TMEM87A: variants seen among roughly 807,000 people sequenced by gnomAD.
TMEM87A encodes transmembrane protein 87A.
TMEM87A carries 50 observed loss-of-function variants against 90.0 expected under a neutral mutation model. The observed-to-expected ratio is 0.56, with a 90% confidence interval of 0.44 to 0.70. The LOEUF (loss-of-function observed/expected upper bound fraction) is 0.70. Among genes scored for constraint, TMEM87A ranks in the 30% least tolerant of loss-of-function variants. The pLI, the probability that TMEM87A is intolerant of heterozygous loss-of-function variation, is 0.00. For missense variants in TMEM87A, 577 were observed against 660.5 expected (o/e 0.87, Z 1.39); for synonymous variants, 226 against 226.7 (o/e 1.00, Z 0.03).
chr15:42,273,063 G>A (rs2051579386), intron 1 of TMEM87A, 192 bp downstream of exon 1: 1 of 711,914 alleles, frequency 1.4e-6, no homozygotes, highest in African/African-American at 1.8e-5. Flanking sequence ...TTACATTCCC[G>A]CTAGCCTAAT....
chr15:42,257,182 T>G (rs1359438074), intron 6 of TMEM87A, among the ~76,000 whole-genome samples: 1 of 152,212 alleles, frequency 6.6e-6, no homozygotes, highest in African/African-American at 2.4e-5. Flanking sequence ...ATATTGAAAT[T>G]TGATCCCCAA....
chr15:42,225,502 A>G (rs1461393032), intron 15 of TMEM87A, among the ~76,000 whole-genome samples: 1 of 152,184 alleles, frequency 6.6e-6, no homozygotes, highest in Non-Finnish European at 1.5e-5. Context: ...TCTAGACACT[A>G]GACAGGAGAG....
intron 15 of TMEM87A, among the ~76,000 whole-genome samples, chr15:42,221,354 A>G (rs776751107): frequency 2.0e-4 from 30 of 152,170 alleles, no homozygotes; most frequent in Non-Finnish European, 3.5e-4. Flanking sequence ...GCATTCCTAC[A>G]TATTTGGAAA....
rs778726517 is a variant in TMEM87A at position 42,267,910 on chromosome 15, A to G, written c.291+37T>C. 4.9e-5 allele frequency: 75 copies of G among 1,534,180 alleles called. 1 individual carries two copies. The South Asian group carries it at 8.3e-4, about 17-fold the overall frequency. On this transcript the variant is annotated intron_variant, in intron 3 of 19. Coordinates refer to ENST00000389834, the MANE Select transcript of TMEM87A (RefSeq NM_015497.5). ...AAGAGACTGGAACCAGATAATCACTAAGGTCCAAAAAAACTCTGTAATTTT... is the reference window on the plus strand; with the variant it reads ...AAGAGACTGGAACCAGATAATCACTGAGGTCCAAAAAAACTCTGTAATTTT...
chr15:42,250,971 C>T (rs1183355441), intron 6 of TMEM87A, among the ~76,000 whole-genome samples: 6 of 152,156 alleles, frequency 3.9e-5, no homozygotes, highest in East Asian at 3.8e-4. Context: ...CTTCTCTTCT[C>T]GCTTCATTTC....
At chr15:42,264,869 A>G (rs532019818) in intron 3 of TMEM87A, among the ~76,000 whole-genome samples, 5 of 151,708 alleles carry the variant, frequency 3.3e-5, no homozygotes, top group African/African-American at 1.2e-4. Flanking sequence ...CTCCACCCTC[A>G]AGTAGGCCCA....
intron 8 of TMEM87A, 59 bp from the exon 9 acceptor site, chr15:42,237,674 A>T: frequency 7.5e-7 from 1 of 1,340,694 alleles, no homozygotes; most frequent in Non-Finnish European, 9.9e-7. Context: ...CCAAGTCTGT[A>T]GATTTAGAAT....
chr15:42,246,724 T>C (rs2050980403), intron 6 of TMEM87A, among the ~76,000 whole-genome samples: 1 of 152,236 alleles, frequency 6.6e-6, no homozygotes, highest in South Asian at 2.1e-4. Context: ...TCCAAGTCTT[T>C]GCTATTGCGA....
At chr15:42,227,556 A>G in intron 14 of TMEM87A, 155 bp downstream of exon 14, 1 of 617,170 alleles carries the variant, frequency 1.6e-6, no homozygotes, top group Non-Finnish European at 2.8e-6. Flanking sequence ...ATAGTACAGA[A>G]TACTTAGGAG....
chr15:42,227,039 C>T (rs1325813268), intron 14 of TMEM87A, 130 bp from the exon 15 acceptor site: 3 of 818,626 alleles, frequency 3.7e-6, no homozygotes, highest in South Asian at 3.4e-5. Context: ...CTGCTACGTG[C>T]TCAGTACTGT....
At chr15:42,251,795 A>C (rs1039792771) in intron 6 of TMEM87A, among the ~76,000 whole-genome samples, 1 of 152,186 alleles carries the variant, frequency 6.6e-6, no homozygotes, top group Non-Finnish European at 1.5e-5. Flanking sequence ...TCAGACAGGG[A>C]CGTTTTAGTC....
Position 42,244,171 on chromosome 15 carries a change from G to A in TMEM87A, c.505-4C>T. 6.5e-7 allele frequency: 1 copy of A among 1,527,782 alleles called. No individual in the cohort carries two copies. Among genetic ancestry groups the A allele is most frequent in the South Asian group, 1.3e-5 (1 of 76,762 alleles). 94.6% of individuals were successfully genotyped at this position (1,527,782 alleles called of 1,614,324 possible). A position where few individuals can be genotyped will look rare whatever the true frequency, so the allele number is the denominator to read the frequency against. On this transcript the variant is annotated splice_polypyrimidine_tract_variant and splice_region_variant and intron_variant, in intron 6 of 19. Transcript: ENST00000389834. ...TTTGCAATGGTTCATGCATTGCCTA[G>A]AAAGGGAAAAGGGCATCACATCTAT...
intron 1 of TMEM87A, 128 bp from the exon 2 acceptor site, chr15:42,272,251 T>G: frequency 1.7e-6 from 1 of 573,604 alleles, no homozygotes; most frequent in South Asian, 2.8e-5. Context: ...CTTAATCAGT[T>G]CATTCCCTTT....
intron 10 of TMEM87A, among the ~76,000 whole-genome samples, chr15:42,235,681 T>C (rs2050756960): frequency 6.6e-6 from 1 of 152,198 alleles, no homozygotes. Context: ...CTCCCTCACC[T>C]CCTTGAAGTC....
At chr15:42,238,822 C>G (rs997356073) in intron 8 of TMEM87A, among the ~76,000 whole-genome samples, 1 of 146,062 alleles carries the variant, frequency 6.8e-6, no homozygotes, top group Non-Finnish European at 1.5e-5. Context: ...GAAGACAACA[C>G]TGAAGAAGAA....
intron 3 of TMEM87A, among the ~76,000 whole-genome samples, chr15:42,264,892 C>T (rs1174009208): frequency 6.6e-6 from 1 of 151,806 alleles, no homozygotes; most frequent in Non-Finnish European, 1.5e-5. Context: ...GTCTGCCGTT[C>T]CCCTCTTTGT....
In TMEM87A at chr15:42,228,796, T is replaced by C; in HGVS notation, c.1156A>G (p.Met386Val). 1.2e-6 allele frequency: 2 copies of C among 1,603,506 alleles called. No homozygotes were observed. Among genetic ancestry groups the C allele is most frequent in the Non-Finnish European group, 1.7e-6 (2 of 1,176,222 alleles). ...WWIFISLTQT[M>V]KLLKLRRNIV... ...TTCCTCCGAAGTTTTAATAGCTTCA[T>C]TGTTTGAGTCAGGCTAATAAATATG... Residue 386 changes from methionine (M) to valine (V), a missense_variant, in exon 13 of 20, where the codon ATG becomes GTG. Coordinates refer to ENST00000389834, the MANE Select transcript of TMEM87A (RefSeq NM_015497.5).
At chr15:42,245,254 G>A (rs1434299714) in intron 6 of TMEM87A, among the ~76,000 whole-genome samples, 2 of 152,054 alleles carry the variant, frequency 1.3e-5, no homozygotes, top group South Asian at 2.1e-4. Flanking sequence ...TCAAAGTTAT[G>A]GGTAATACAT....
At chr15:42,266,267 G>C (rs887920112) in intron 3 of TMEM87A, among the ~76,000 whole-genome samples, 1 of 152,206 alleles carries the variant, frequency 6.6e-6, no homozygotes, top group Non-Finnish European at 1.5e-5. Flanking sequence ...TGTAATCCCA[G>C]CACTTTGGGA....
Sources: allele counts gnomAD v4.1 joint callset (sites outside exome capture counted in the v4.1 genomes callset), GRCh38; gene constraint gnomAD v4.1.1; transcripts MANE v1.5; gene names NCBI Gene and HGNC (gene_info 2026-07-23, HGNC 2026-07-21).